NFASC: variants seen among roughly 807,000 people sequenced by gnomAD.
NFASC encodes neurofascin.
In NFASC, 43 loss-of-function variants were observed where a neutral mutation model predicts 147.5. The observed-to-expected ratio is 0.29, with a 90% CI of 0.23 to 0.38. The LOEUF is 0.38. Among genes scored for constraint, NFASC ranks in the 10% least tolerant of loss-of-function variants. The pLI is 1.00. For missense variants in NFASC, 1,320 were observed against 1,689.0 expected (o/e 0.78, Z 3.83); for synonymous variants, 622 against 665.5 (o/e 0.93, Z 1.01).
chr1:204,920,795 A>AGAATGTCCCCT, intron 2 of NFASC, 55 bp downstream of exon 2: 2 of 824,404 alleles, frequency 2.4e-6, no homozygotes, highest in Non-Finnish European at 3.5e-6. Context: ...GAATGAGGGG[A>AGAATGTCCCCT]CATTCTCGCC....
chr1:204,862,275 A>G (rs1321497742), intron 1 of NFASC, among the ~76,000 whole-genome samples: 2 of 152,386 alleles, frequency 1.3e-5, no homozygotes, highest in South Asian at 2.1e-4. Flanking sequence ...ATTTGTCACC[A>G]TGGGGTCCCA....
chr1:205,003,930 G>T (rs756100332), intron 27 of NFASC, among the ~76,000 whole-genome samples: 2 of 152,212 alleles, frequency 1.3e-5, no homozygotes, highest in African/African-American at 2.4e-5. Flanking sequence ...AAGGCTCAGA[G>T]GGTCTGAGAG....
chr1:204,930,849 C>T (rs1291710662), intron 2 of NFASC, among the ~76,000 whole-genome samples: 3 of 152,162 alleles, frequency 2.0e-5, no homozygotes, highest in African/African-American at 7.2e-5. Context: ...CTATACAGGC[C>T]TGGAGGCTGG....
At chr1:204,871,180 T>G in intron 1 of NFASC, 1 of 1,057,896 alleles carries the variant, frequency 9.5e-7, no homozygotes, top group Non-Finnish European at 1.3e-6. Flanking sequence ...GTGCATACTT[T>G]CCCAACAAAG....
At chr1:204,991,409 A>G (rs1404440992) in intron 24 of NFASC, 103 bp downstream of exon 24, 16 of 1,227,606 alleles carry the variant, frequency 1.3e-5, no homozygotes, top group Admixed American at 2.0e-5. Flanking sequence ...GGCTGAAAGC[A>G]TGCTCCAGAC....
chr1:204,836,948 C>A lies in NFASC; in HGVS notation c.-200+8166C>A, dbSNP rs192508702. Among the ~76,000 whole-genome samples, 154 of 152,376 alleles carry A rather than the reference C, an allele frequency of 1.0e-3. 1 individual carries two copies. The Middle Eastern group carries it at 0.01, about 10-fold the overall frequency. On this transcript the variant is annotated intron_variant, in intron 1 of 29. Coordinates refer to ENST00000339876, the MANE Select transcript of NFASC (RefSeq NM_001005388.3). ...ACCCTGCTATGTGCATTGCACTCTT[C>A]TAGGTGGAAACTTGTTCTGAGAGAA...
chr1:204,882,381 T>A (rs2080433752), intron 1 of NFASC, among the ~76,000 whole-genome samples: 1 of 152,172 alleles, frequency 6.6e-6, no homozygotes, highest in South Asian at 2.1e-4. Flanking sequence ...TCCAGCCAGC[T>A]CTAGCCTTGG....
At chr1:204,939,038 A>ATGTATG (rs772779672) in intron 2 of NFASC, among the ~76,000 whole-genome samples, 7,857 of 123,690 alleles carry the variant, frequency 0.064, 360 homozygotes, top group African/African-American at 0.079. Context: ...GTATGGATGG[A>ATGTATG]TGTGTGTGTG....
intron 21 of NFASC, among the ~76,000 whole-genome samples, chr1:204,985,699 C>G (rs1335829048): frequency 6.6e-6 from 1 of 152,186 alleles, no homozygotes; most frequent in Non-Finnish European, 1.5e-5. Context: ...GAACCAAAAC[C>G]CTTATTTCTT....
intron 1 of NFASC, chr1:204,870,953 C>G: frequency 7.8e-7 from 1 of 1,276,004 alleles, no homozygotes; most frequent in Non-Finnish European, 1.0e-6. Context: ...AGGCCTAAGT[C>G]TGCCAGCTGG....
At position 204,970,600 on chromosome 1, in the gene NFASC, C is replaced by A. The variant is rs2095209589; in HGVS notation, c.1004-16C>A. 3.1e-6 allele frequency: 5 copies of A among 1,613,466 alleles called. No individual in the cohort carries two copies. The highest frequency in any genetic ancestry group is 4.2e-6 in the Non-Finnish European group (5 of 1,180,006). ...TGCCATCTAACTCCCCTGCCTGTGT[C>A]TGTCTTGTCTTCCAGCTGCTCCCTA... On this transcript the variant is annotated splice_polypyrimidine_tract_variant and intron_variant, in intron 10 of 29. Coordinates refer to ENST00000339876, the MANE Select transcript of NFASC (RefSeq NM_001005388.3).
chr1:204,922,418 C>T (rs1441581871), intron 2 of NFASC, among the ~76,000 whole-genome samples: 5 of 152,148 alleles, frequency 3.3e-5, no homozygotes, highest in African/African-American at 9.7e-5. Context: ...TTCTGGACAC[C>T]ACCAGTCTAA....
chr1:205,016,594 GA>G lies in NFASC; in HGVS notation c.*56del, dbSNP rs1393154570. ...TGCAAGTGGGAGGAGGGGAGAAGGG[GA>G]GACAAAACCACTGCAGACCTACCAC... On this transcript the variant is annotated 3_prime_UTR_variant, in exon 30 of 30. Transcript: ENST00000339876. This position sits in a 1 kb window ranked among gnomAD's most constrained non-coding sequence, Gnocchi z 5.1. 7.6e-7 allele frequency: 1 copy of G among 1,313,438 alleles called. No homozygotes were observed. The highest frequency in any genetic ancestry group is 1.1e-6 in the Non-Finnish European group (1 of 909,478). 81.4% of individuals were successfully genotyped at this position (1,313,438 alleles called of 1,614,324 possible). A position where few individuals can be genotyped will look rare whatever the true frequency, so the allele number is the denominator to read the frequency against.
chr1:204,945,711 G>A (rs924341489), intron 3 of NFASC, among the ~76,000 whole-genome samples: 1 of 152,208 alleles, frequency 6.6e-6, no homozygotes, highest in African/African-American at 2.4e-5. Flanking sequence ...GGAGGGAGGA[G>A]AGGAGAGTTG....
chr1:204,939,680 C>T (rs530823631), intron 2 of NFASC, among the ~76,000 whole-genome samples: 1 of 152,230 alleles, frequency 6.6e-6, no homozygotes, highest in Non-Finnish European at 1.5e-5. Flanking sequence ...GAGAGGAACC[C>T]GAGAGGTGGC....
At chr1:204,941,807 G>A (rs2093379139) in intron 2 of NFASC, among the ~76,000 whole-genome samples, 1 of 152,090 alleles carries the variant, frequency 6.6e-6, no homozygotes, top group Non-Finnish European at 1.5e-5. Flanking sequence ...CAGCTTGTTG[G>A]TTTCCTCTCC....
chr1:204,854,808 T>G (rs1393169584), intron 1 of NFASC, among the ~76,000 whole-genome samples: 1 of 152,214 alleles, frequency 6.6e-6, no homozygotes, highest in Non-Finnish European at 1.5e-5. Flanking sequence ...TGGTAAGAAG[T>G]AGTTTTCCTC....
chr1:204,929,836 C>T (rs189847403), intron 2 of NFASC, among the ~76,000 whole-genome samples: 2 of 152,270 alleles, frequency 1.3e-5, no homozygotes, highest in Non-Finnish European at 1.5e-5. Flanking sequence ...ATGGGCTAGG[C>T]ATCAATAGGG....
At chr1:204,941,870 C>G (rs750130286) in intron 2 of NFASC, among the ~76,000 whole-genome samples, 1 of 152,070 alleles carries the variant, frequency 6.6e-6, no homozygotes, top group Non-Finnish European at 1.5e-5. Context: ...TAATGAGTAG[C>G]CTTCACAGTA....
Sources: allele counts gnomAD v4.1 joint callset (sites outside exome capture counted in the v4.1 genomes callset), GRCh38; gene constraint gnomAD v4.1.1; non-coding constraint Gnocchi (gnomAD v3.1); transcripts MANE v1.5; gene names NCBI Gene and HGNC (gene_info 2026-07-23, HGNC 2026-07-21).